The following NCK2 variants were observed in gnomAD, a reference collection of about 807,000 sequenced individuals.
The protein encoded by NCK2 is NCK adaptor protein 2.
NCK2 carries 16 observed loss-of-function variants against 33.9 expected under a neutral mutation model. The ratio of observed to expected loss-of-function variants is 0.47; its 90% CI spans 0.32 to 0.72. The LOEUF is 0.72. Ranked by LOEUF, NCK2 falls within the 30% of genes least tolerant of loss-of-function variation. The probability of loss-of-function intolerance (pLI) is 0.03; values close to 1 mark genes in which losing one functional copy is unlikely to be tolerated. For synonymous variants in NCK2, 273 were observed against 239.9 expected (o/e 1.14, Z -1.27); for missense variants, 418 against 537.3 (o/e 0.78, Z 2.19).
chr2:105,871,102 T>C (rs1677980171), intron 3 of NCK2, among the ~76,000 whole-genome samples: 1 of 151,980 alleles, frequency 6.6e-6, no homozygotes, highest in African/African-American at 2.4e-5. Flanking sequence ...TGAGTGCGTG[T>C]GAAATCGGGG....
At chr2:105,783,556 A>C (rs1055478237) in intron 1 of NCK2, among the ~76,000 whole-genome samples, 5 of 152,140 alleles carry the variant, frequency 3.3e-5, no homozygotes, top group African/African-American at 1.2e-4. Flanking sequence ...AGTATTTGCC[A>C]CCGTGGGTGC....
At chr2:105,830,996 A>T (rs1676164429) in intron 2 of NCK2, among the ~76,000 whole-genome samples, 1 of 152,060 alleles carries the variant, frequency 6.6e-6, no homozygotes, top group South Asian at 2.1e-4. Flanking sequence ...TTATTGGATG[A>T]ATAGTTTGCA....
chr2:105,827,445 A>G (rs1163328312), intron 2 of NCK2, among the ~76,000 whole-genome samples: 1 of 152,234 alleles, frequency 6.6e-6, no homozygotes, highest in Non-Finnish European at 1.5e-5. Flanking sequence ...TAGAACAACC[A>G]CACAGAAAGT....
chr2:105,870,810 ATTCAGGGTGG>A (rs1372289939), intron 3 of NCK2, among the ~76,000 whole-genome samples: 1 of 152,144 alleles, frequency 6.6e-6, no homozygotes, highest in Non-Finnish European at 1.5e-5. Context: ...GTCTGGGGAA[ATTCAGGGTGG>A]TTCAGGAAAT....
chr2:105,784,497 T>C (rs1665432034), intron 1 of NCK2, among the ~76,000 whole-genome samples: 1 of 152,256 alleles, frequency 6.6e-6, no homozygotes, highest in African/African-American at 2.4e-5. Context: ...AAATTCAAGA[T>C]ACATTTGTGT....
In NCK2 at chr2:105,881,885, C is replaced by A; in HGVS notation, c.784C>A (p.His262Asn). 1 of 1,573,546 alleles carries A rather than the reference C, an allele frequency of 6.4e-7. No homozygotes were observed. Among genetic ancestry groups the A allele is most frequent in the Non-Finnish European group, 8.6e-7 (1 of 1,160,156 alleles). Reference sequence around the variant, plus strand: ...GGTCCTCAGTGACGGGCCTGCCCTGCACCCTGCGCACGCCCCACAGATAAG... The same window carrying A: ...GGTCCTCAGTGACGGGCCTGCCCTGAACCCTGCGCACGCCCCACAGATAAG... The part of the protein sequence containing the change: ...VVVLSDGPAL[H>N]PAHAPQISYT... Residue 262 changes from histidine (H) to asparagine (N), a missense_variant, in exon 4 of 5, where the codon CAC becomes AAC. By Grantham distance (68) the His-to-Asn change is moderately conservative. Transcript: ENST00000233154.
intron 3 of NCK2, among the ~76,000 whole-genome samples, chr2:105,863,000 C>T (rs930635427): frequency 2.0e-5 from 3 of 151,762 alleles, no homozygotes; most frequent in Non-Finnish European, 4.4e-5. Context: ...GGACTTAGAA[C>T]ATGAGAATAA....
At position 105,783,240 on chromosome 2, in the gene NCK2, G is replaced by T. The variant is rs532401096; in HGVS notation, c.-200-33190G>T. On this transcript the variant is annotated intron_variant, in intron 1 of 4. Transcript: ENST00000233154. ...TAATCTTTTGAAGATGGAAAGTAAT[G>T]GCAGTGGAATGTTCTGCGTGCTGTT... Among the ~76,000 whole-genome samples, 178 of 152,306 alleles carry T rather than the reference G, an allele frequency of 1.2e-3. 1 individual carries two copies. Among genetic ancestry groups the T allele is most frequent in the African/African-American group, 4.1e-3 (172 of 41,564 alleles).
At chr2:105,790,349 T>G (rs181385097) in intron 1 of NCK2, among the ~76,000 whole-genome samples, 1 of 152,264 alleles carries the variant, frequency 6.6e-6, no homozygotes, top group South Asian at 2.1e-4. Flanking sequence ...GAACAGTTGC[T>G]GAGCCCTGGG....
At chr2:105,826,381 G>T (rs2104510501) in intron 2 of NCK2, among the ~76,000 whole-genome samples, 1 of 152,204 alleles carries the variant, frequency 6.6e-6, no homozygotes, top group Non-Finnish European at 1.5e-5. Context: ...AGATTTGGGT[G>T]GGGACACAAA....
At chr2:105,811,672 A>G (rs917551802) in intron 1 of NCK2, among the ~76,000 whole-genome samples, 24 of 152,176 alleles carry the variant, frequency 1.6e-4, no homozygotes, top group Non-Finnish European at 3.4e-4. Flanking sequence ...GAGTGTGTTC[A>G]GTGAAAATGC....
intron 1 of NCK2, among the ~76,000 whole-genome samples, chr2:105,813,526 G>A (rs1204147878): frequency 6.6e-6 from 1 of 152,250 alleles, no homozygotes; most frequent in Non-Finnish European, 1.5e-5. Flanking sequence ...CTCAGATGCT[G>A]ATAGTTGGAG....
chr2:105,748,665 G>C (rs975621605), intron 1 of NCK2, among the ~76,000 whole-genome samples: 22 of 152,066 alleles, frequency 1.4e-4, no homozygotes, highest in African/African-American at 5.1e-4. Flanking sequence ...TGAGCCTCCT[G>C]CCTTGACCTC....
chr2:105,892,540 T>C (rs981904409), intron 4 of NCK2, among the ~76,000 whole-genome samples: 1 of 143,490 alleles, frequency 7.0e-6, no homozygotes, highest in Non-Finnish European at 1.5e-5. Context: ...GTTCTAGATA[T>C]AAAACAGAGA....
intron 4 of NCK2, 115 bp from the exon 5 acceptor site, chr2:105,892,867 G>A: frequency 1.5e-6 from 1 of 688,310 alleles, no homozygotes; most frequent in South Asian, 2.4e-5. Flanking sequence ...AAAAAGCAGA[G>A]ACCCAGTGTT....
At chr2:105,789,698 C>T (rs1314433546) in intron 1 of NCK2, among the ~76,000 whole-genome samples, 2 of 152,308 alleles carry the variant, frequency 1.3e-5, no homozygotes, top group South Asian at 2.1e-4. Flanking sequence ...GGACCTTGCT[C>T]CCCGGCTTGT....
At chr2:105,852,768 C>T (rs1165466444) in intron 2 of NCK2, among the ~76,000 whole-genome samples, 1 of 152,094 alleles carries the variant, frequency 6.6e-6, no homozygotes, top group Non-Finnish European at 1.5e-5. Context: ...TTATGACTTT[C>T]AAAAGTCTAA....
intron 2 of NCK2, among the ~76,000 whole-genome samples, chr2:105,823,745 G>A (rs950939347): frequency 5.9e-5 from 9 of 152,016 alleles, no homozygotes; most frequent in African/African-American, 2.2e-4. Flanking sequence ...TCCCTGGAAA[G>A]TAAAATATGC....
At chr2:105,884,883 T>G (rs1028474271) in intron 4 of NCK2, among the ~76,000 whole-genome samples, 1 of 152,198 alleles carries the variant, frequency 6.6e-6, no homozygotes, top group Non-Finnish European at 1.5e-5. Context: ...TTGCTTATTC[T>G]CCATATTTCG....
Sources: allele counts gnomAD v4.1 joint callset (sites outside exome capture counted in the v4.1 genomes callset), GRCh38; gene constraint gnomAD v4.1.1; transcripts MANE v1.5; gene names NCBI Gene and HGNC (gene_info 2026-07-23, HGNC 2026-07-21).